Variants in PTOV1 observed in about 807,000 individuals in gnomAD.
PTOV1 encodes the protein prostate tumor-overexpressed gene 1 protein.
PTOV1 carries 20 observed loss-of-function variants against 58.0 expected under a neutral mutation model. The ratio of observed to expected loss-of-function variants is 0.34; its 90% CI spans 0.24 to 0.50. PTOV1 has a LOEUF of 0.50. Ranked by LOEUF, PTOV1 falls within the 20% of genes least tolerant of loss-of-function variation. The pLI is 0.98. For missense variants in PTOV1, 593 were observed against 565.4 expected (o/e 1.05, Z -0.50); for synonymous variants, 335 against 234.2 (o/e 1.43, Z -3.93).
chr19:49,850,919 G>T, upstream of PTOV1: 1 of 1,535,892 alleles, frequency 6.5e-7, no homozygotes, highest in Non-Finnish European at 8.7e-7. Flanking sequence ...CAAGGGGCCA[G>T]CTTGGTGTCG....
upstream of PTOV1, chr19:49,850,986 G>T (rs914770462): frequency 1.7e-5 from 26 of 1,534,830 alleles, no homozygotes; most frequent in South Asian, 4.8e-5. Context: ...CACGCCCCCT[G>T]AAGTTGTGGC....
intron 10 of PTOV1, 102 bp downstream of exon 10, chr19:49,858,755 C>T: frequency 2.0e-6 from 2 of 1,003,834 alleles, no homozygotes; most frequent in South Asian, 1.4e-5. Flanking sequence ...CACCATGTCC[C>T]AGACCAGCTG....
chr19:49,857,052 G>C (rs777518722), exon 6 of PTOV1: 13 of 1,614,120 alleles, frequency 8.1e-6, no homozygotes, highest in South Asian at 1.1e-5. Flanking sequence ...CCAAGAAGAA[G>C]ATCTTCATGG....
intron 5 of PTOV1, 121 bp from the exon 6 acceptor site, chr19:49,856,854 T>C (rs2074490930): frequency 4.1e-6 from 5 of 1,217,518 alleles, no homozygotes; most frequent in Non-Finnish European, 5.7e-6. Flanking sequence ...TGGCCTTGAC[T>C]GTGGGGGCCT....
chr19:49,856,855 G>A (rs1428392963), intron 5 of PTOV1, 120 bp from the exon 6 acceptor site: 13 of 1,237,184 alleles, frequency 1.1e-5, no homozygotes, highest in Non-Finnish European at 1.5e-5. Context: ...GGCCTTGACT[G>A]TGGGGGCCTC....
chr19:49,857,720 G>A, exon 7 of PTOV1: 1 of 1,614,122 alleles, frequency 6.2e-7, no homozygotes, highest in Non-Finnish European at 8.5e-7. Context: ...TGTCAACTCA[G>A]GCCCAGTCCA....
intron 6 of PTOV1, chr19:49,857,401 C>T (rs894046855): frequency 2.6e-5 from 16 of 608,760 alleles, no homozygotes; most frequent in East Asian, 5.6e-5. Context: ...GATCGTCCTG[C>T]GGCTGGAAGG....
intron 3 of PTOV1, 27 bp from the exon 4 acceptor site, chr19:49,854,802 AGC>A: frequency 2.5e-6 from 4 of 1,613,338 alleles, no homozygotes; most frequent in Non-Finnish European, 2.5e-6. Flanking sequence ...GGATCAGGGC[AGC>A]CCTTTCTGAC....
exon 11 of PTOV1, chr19:49,860,084 C>T (rs748779269): frequency 1.5e-5 from 25 of 1,614,238 alleles, no homozygotes; most frequent in Non-Finnish European, 1.8e-5. Context: ...GCCTCATCCC[C>T]CATGACCAGG....
rs1214717351 is a variant in PTOV1, at chr19:49,855,958, G to A, written c.558+881G>A. On this transcript the variant is annotated intron_variant, in intron 5 of 11. Coordinates refer to ENST00000391842, the Ensembl canonical transcript of PTOV1. ...CTGGAGAGGAGGCAGGGGTGGGGTGGGAGCGAGTTGTCTGCCCAGAGGACC... is the reference window on the plus strand; with the variant it reads ...CTGGAGAGGAGGCAGGGGTGGGGTGAGAGCGAGTTGTCTGCCCAGAGGACC... Among the ~76,000 whole-genome samples the A allele has an allele frequency of 3.3e-5, 5 of 152,188 alleles. No homozygotes were observed. The East Asian group carries it at 9.7e-4, about 29-fold the overall frequency.
chr19:49,854,787 C>G (rs1283788597), intron 3 of PTOV1, 44 bp from the exon 4 acceptor site: 1 of 1,613,124 alleles, frequency 6.2e-7, no homozygotes, highest in Non-Finnish European at 8.5e-7. Context: ...TGGCTGTGGC[C>G]GTGGGGATCA....
intron 10 of PTOV1, chr19:49,859,306 AGG>A (rs2074634831): frequency 6.7e-6 from 1 of 149,770 alleles, no homozygotes; most frequent in African/African-American, 2.6e-5. Flanking sequence ...GCATTCCCTC[AGG>A]GGCCGGGTGC....
At chr19:49,854,981 C>T (rs749093997) in exon 5 of PTOV1, 1 of 1,594,538 alleles carries the variant, frequency 6.3e-7, no homozygotes. Flanking sequence ...CCACCCTGGG[C>T]CCCCTGTTCC....
At position 49,855,577 on chromosome 19, in the gene PTOV1, C is replaced by T. The variant is rs1290658; in HGVS notation, c.558+500C>T. 507 of 175,016 alleles carry T rather than the reference C, an allele frequency of 2.9e-3. 3 individuals are homozygous for T. Among genetic ancestry groups the T allele is most frequent in the African/African-American group, 0.01 (443 of 42,350 alleles). The allele number at this position is 175,016 out of a possible 1,614,324, so 10.8% of individuals were successfully genotyped here. A position where few individuals can be genotyped will look rare whatever the true frequency, so the allele number is the denominator to read the frequency against. ...GGTGAGTAGGTCCTCAGGCCTGGCT[C>T]CAAGGGGACCCAGGTATCCAGCCAG... On this transcript the variant is annotated intron_variant, in intron 5 of 11. Transcript: ENST00000391842.
chr19:49,854,605 C>T (rs751761421), intron 2 of PTOV1, 47 bp from the exon 3 acceptor site: 3 of 1,612,868 alleles, frequency 1.9e-6, no homozygotes, highest in Admixed American at 3.3e-5. Context: ...CGGGGACAGG[C>T]CAGGGCATCT....
Position 49,859,661 on chromosome 19 carries a change from C to T in PTOV1, c.1042-325C>T, listed in dbSNP as rs185539063. Among the ~76,000 whole-genome samples the T allele has an allele frequency of 9.5e-3, 1,448 of 152,304 alleles. 13 individuals carry two copies. Among genetic ancestry groups the T allele is most frequent in the Non-Finnish European group, 0.013 (888 of 68,018 alleles). ...TGTGCTGGGCCGGCCGCTGCAGATC[C>T]CTCGGGCTCCTGAGTTGAAGCCATG... is the stretch of plus-strand genomic sequence containing the variant. On this transcript the variant is annotated intron_variant, in intron 10 of 11. Coordinates refer to ENST00000391842, the Ensembl canonical transcript of PTOV1.
intron 6 of PTOV1, chr19:49,857,461 ACT>A (rs569123865): frequency 1.1e-5 from 7 of 611,108 alleles, no homozygotes; most frequent in Non-Finnish European, 1.7e-5. Context: ...GTTGAGGCAG[ACT>A]CTGCAGGTCC....
intron 2 of PTOV1, 50 bp downstream of exon 2, chr19:49,854,593 T>C: frequency 6.2e-7 from 1 of 1,612,848 alleles, no homozygotes; most frequent in Non-Finnish European, 8.5e-7. Context: ...GTCTTGTCCC[T>C]GCGGGGACAG....
chr19:49,856,518 C>T (rs1378705384), intron 5 of PTOV1: 25 of 176,358 alleles, frequency 1.4e-4, no homozygotes, highest in Admixed American at 1.4e-3. Flanking sequence ...TCTGTTGAGC[C>T]TTTATGTGGC....
Sources: allele counts gnomAD v4.1 joint callset (sites outside exome capture counted in the v4.1 genomes callset), GRCh38; gene constraint gnomAD v4.1.1; transcripts MANE v1.5; gene names NCBI Gene and HGNC (gene_info 2026-07-23, HGNC 2026-07-21).